The following LZTFL1 variants were observed in gnomAD, a reference collection of about 807,000 sequenced individuals.
LZTFL1 encodes leucine zipper transcription factor like 1, also known as leucine zipper transcription factor-like protein 1.
Under a neutral mutation model 45.9 loss-of-function variants are expected in LZTFL1, and 25 were observed. That is an observed-to-expected ratio of 0.54 (90% CI 0.40 to 0.76). The LOEUF (loss-of-function observed/expected upper bound fraction) is 0.76. Among genes scored for constraint, LZTFL1 ranks in the 30% least tolerant of loss-of-function variants. LZTFL1 has a pLI of 0.00. For synonymous variants in LZTFL1, 93 were observed against 117.4 expected (o/e 0.79, Z 1.35); for missense variants, 277 against 331.1 (o/e 0.84, Z 1.27).
At chr3:45,906,824 T>A (rs550083479) in intron 2 of LZTFL1, among the ~76,000 whole-genome samples, 1 of 152,342 alleles carries the variant, frequency 6.6e-6, no homozygotes, top group East Asian at 1.9e-4. Context: ...TAGGCATGTG[T>A]CTGAACCTTA....
chr3:45,911,403 A>G (rs368912514), intron 2 of LZTFL1, among the ~76,000 whole-genome samples: 1 of 152,238 alleles, frequency 6.6e-6, no homozygotes, highest in Admixed American at 6.5e-5. Context: ...GTCTTTCTCA[A>G]TGATAACAGC....
intron 2 of LZTFL1, among the ~76,000 whole-genome samples, chr3:45,905,799 G>T (rs1408007949): frequency 2.0e-5 from 3 of 152,296 alleles, no homozygotes; most frequent in African/African-American, 7.2e-5. Context: ...CAGGGCCTTG[G>T]CTGTCACACG....
intron 7 of LZTFL1, among the ~76,000 whole-genome samples, chr3:45,829,691 A>G (rs1700767376): frequency 6.6e-6 from 1 of 152,136 alleles, no homozygotes; most frequent in Non-Finnish European, 1.5e-5. Context: ...GTCTTTGAAA[A>G]AAAGATTTTC....
intron 2 of LZTFL1, chr3:45,902,001 CA>C: frequency 1.0e-6 from 1 of 981,400 alleles, no homozygotes. Context: ...AAAGAAAACT[CA>C]GAAAGGGATG....
intron 7 of LZTFL1, among the ~76,000 whole-genome samples, chr3:45,828,975 A>G (rs911946736): frequency 3.3e-5 from 5 of 152,244 alleles, no homozygotes; most frequent in Admixed American, 3.3e-4. Flanking sequence ...TCCTCAAAGA[A>G]GTTTGAATTC....
At chr3:45,840,608 A>G (rs1313026016) in intron 1 of LZTFL1, among the ~76,000 whole-genome samples, 1 of 152,256 alleles carries the variant, frequency 6.6e-6, no homozygotes, top group Non-Finnish European at 1.5e-5. Flanking sequence ...TTTATTGTAG[A>G]AATATTCCGT....
intron 2 of LZTFL1, among the ~76,000 whole-genome samples, chr3:45,863,030 G>A (rs1701516513): frequency 6.6e-6 from 1 of 152,130 alleles, no homozygotes; most frequent in South Asian, 2.1e-4. Flanking sequence ...ATAGTATTAT[G>A]AGACCCAAGA....
intron 1 of LZTFL1, among the ~76,000 whole-genome samples, chr3:45,840,889 T>C (rs1343645203): frequency 6.6e-6 from 1 of 152,230 alleles, no homozygotes; most frequent in Non-Finnish European, 1.5e-5. Flanking sequence ...ATGCTTAATA[T>C]TTTCACAGGT....
At chr3:45,849,128 G>A (rs542372649) in intron 4 of LZTFL1, among the ~76,000 whole-genome samples, 2 of 152,160 alleles carry the variant, frequency 1.3e-5, no homozygotes, top group Admixed American at 6.5e-5. Flanking sequence ...CAGGACAGAC[G>A]GACCCATTAG....
At chr3:45,832,745 A>G (rs1173314064) in intron 5 of LZTFL1, 1 of 200,150 alleles carries the variant, frequency 5.0e-6, no homozygotes, top group Non-Finnish European at 1.0e-5. Flanking sequence ...AATAATTTTT[A>G]TAAACTTAAA....
At position 45,900,123 on chromosome 3, in the gene LZTFL1, C is replaced by G. The variant is rs924453389; in HGVS notation, c.-215+12997G>C. On this transcript the variant is annotated intron_variant, in intron 2 of 4. Coordinates refer to the LZTFL1 transcript ENST00000472635. The surrounding 1 kb of genome is among the most constrained non-coding windows in gnomAD (Gnocchi z 4.7). Reference sequence around the variant, plus strand: ...CAACCCACACAGTCACATAGGGGCCCTGTGCTTAGAAGTGCTGCTTGTTTG... The same window carrying G: ...CAACCCACACAGTCACATAGGGGCCGTGTGCTTAGAAGTGCTGCTTGTTTG... Among the ~76,000 whole-genome samples the G allele has an allele frequency of 6.6e-6, 1 of 152,172 alleles. No homozygotes were observed. The highest frequency in any genetic ancestry group is 1.5e-5 in the Non-Finnish European group (1 of 68,038).
intron 2 of LZTFL1, among the ~76,000 whole-genome samples, chr3:45,879,412 A>T (rs548738053): frequency 3.3e-5 from 5 of 152,250 alleles, no homozygotes; most frequent in African/African-American, 4.8e-5. Flanking sequence ...CCCATCTGAA[A>T]AGGCTATATA....
intron 1 of LZTFL1, among the ~76,000 whole-genome samples, chr3:45,839,691 A>C (rs755387762): frequency 6.6e-5 from 10 of 152,310 alleles, no homozygotes; most frequent in Admixed American, 1.3e-4. Context: ...GATTTGTAGC[A>C]CTGCTGATTT....
intron 2 of LZTFL1, among the ~76,000 whole-genome samples, chr3:45,897,139 G>A (rs1301931845): frequency 1.3e-5 from 2 of 152,168 alleles, no homozygotes. Context: ...CCCTGGCTGT[G>A]CACTGAGGTT....
intron 2 of LZTFL1, among the ~76,000 whole-genome samples, chr3:45,876,922 A>C (rs1181488933): frequency 6.6e-6 from 1 of 152,118 alleles, no homozygotes; most frequent in Non-Finnish European, 1.5e-5. Context: ...AAGGGTAACT[A>C]TTCCCCCAGC....
At chr3:45,914,462 C>CG (rs1040365453) in intron 1 of LZTFL1, among the ~76,000 whole-genome samples, 14 of 151,966 alleles carry the variant, frequency 9.2e-5, no homozygotes, top group African/African-American at 3.4e-4. Flanking sequence ...TTGGTAGAGA[C>CG]GGGGTCTCCC....
At chr3:45,890,998 A>C (rs1702162812) in intron 2 of LZTFL1, among the ~76,000 whole-genome samples, 1 of 152,234 alleles carries the variant, frequency 6.6e-6, no homozygotes, top group Non-Finnish European at 1.5e-5. Flanking sequence ...AGAAAGTTAA[A>C]AGTGGTTATT....
In LZTFL1 at chr3:45,891,459, T is replaced by G. The variant is rs1575295362; in HGVS notation, c.-215+21661A>C. Among the ~76,000 whole-genome samples, 4 of 152,200 alleles carry G rather than the reference T, an allele frequency of 2.6e-5. No homozygotes were observed. The South Asian group carries it at 8.3e-4, about 31-fold the overall frequency. ...TCTCTCTATATACATATGTTTTCAT[T>G]AATTTTTTGCATTTTTTGCTTATTT... On this transcript the variant is annotated intron_variant, in intron 2 of 4. Coordinates refer to the LZTFL1 transcript ENST00000472635.
chr3:45,841,872 G>T, intron 1 of LZTFL1, 117 bp downstream of exon 1: 1 of 1,346,524 alleles, frequency 7.4e-7, no homozygotes, highest in Non-Finnish European at 1.0e-6. Context: ...GGGAGGCTGA[G>T]GTGCGGCCAG....
Sources: allele counts gnomAD v4.1 joint callset (sites outside exome capture counted in the v4.1 genomes callset), GRCh38; gene constraint gnomAD v4.1.1; non-coding constraint Gnocchi (gnomAD v3.1); transcripts MANE v1.5; gene names NCBI Gene and HGNC (gene_info 2026-07-23, HGNC 2026-07-21).